Variants in LGI1 observed in about 807,000 individuals in gnomAD.
The protein encoded by LGI1 is leucine rich glioma inactivated 1, also known as leucine-rich glioma-inactivated protein 1.
LGI1 carries 11 observed loss-of-function variants against 57.7 expected under a neutral mutation model. The ratio of observed to expected loss-of-function variants is 0.19; its 90% CI spans 0.12 to 0.32. The LOEUF is 0.32. LGI1 is among the 10% of genes least tolerant of loss of function. LGI1 has a pLI of 1.00. For synonymous variants in LGI1, 222 were observed against 241.9 expected (o/e 0.92, Z 0.76); for missense variants, 422 against 661.9 (o/e 0.64, Z 3.98).
chr10:93,780,698 C>T (rs184480418), intron 4 of LGI1, among the ~76,000 whole-genome samples: 3 of 152,312 alleles, frequency 2.0e-5, no homozygotes, highest in Non-Finnish European at 2.9e-5. Flanking sequence ...CAGCTCCCAC[C>T]GTCTTTGATG....
chr10:93,793,193 A>G lies in LGI1; in HGVS notation c.681A>G (p.Ala227=). 1 of 1,610,794 alleles carries G rather than the reference A, an allele frequency of 6.2e-7. No individual in the cohort carries two copies. Among genetic ancestry groups the G allele is most frequent in the Non-Finnish European group, 8.5e-7 (1 of 1,178,746 alleles). The change falls in exon 7 of 8, where the codon GCA becomes GCG. Residue 227 remains alanine (A), a synonymous_variant. Coordinates refer to ENST00000371418, the MANE Select transcript of LGI1 (RefSeq NM_005097.4). Reference sequence around the variant, plus strand: ...TATTTCCTATTTTTGCAGAATTTGCAAAGTCTCAAGACCTGCCTTATCAAT... The same window carrying G: ...TATTTCCTATTTTTGCAGAATTTGCGAAGTCTCAAGACCTGCCTTATCAAT... ...KDFDCIITEF[A]KSQDLPYQSL...
In LGI1 at chr10:93,797,163, A is replaced by G; in HGVS notation, c.1034A>G (p.Tyr345Cys). Residue 345 changes from tyrosine (Y) to cysteine (C), a missense_variant, in exon 8 of 8, where the codon TAC (tyrosine) becomes TGC (cysteine). Transcript: ENST00000371418. The surrounding 1 kb of genome is among the most constrained non-coding windows in gnomAD (Gnocchi z 6.5). ...ACATTCAAGATTGAAAACAACTGGTACTTTGTTGTTGCTGACAGTTCAAAA... is the reference window on the plus strand; with the variant it reads ...ACATTCAAGATTGAAAACAACTGGTGCTTTGTTGTTGCTGACAGTTCAAAA... The part of the protein sequence containing the change: ...IETFKIENNW[Y>C]FVVADSSKAG... 6.2e-7 allele frequency: 1 copy of G among 1,614,190 alleles called. No homozygotes were observed. Among genetic ancestry groups the G allele is most frequent in the Non-Finnish European group, 8.5e-7 (1 of 1,180,020 alleles).
rs536401788 is a variant in LGI1, at chr10:93,758,932, A to G, written c.287+101A>G. On this transcript the variant is annotated intron_variant, in intron 2 of 7. Coordinates refer to ENST00000371418, the MANE Select transcript of LGI1 (RefSeq NM_005097.4). This position sits in a 1 kb window ranked among gnomAD's most constrained non-coding sequence, Gnocchi z 4.7. ...TATTAATTTTGTCAAATGTGATTCT[A>G]TTTCTGAGAAAACAGAATATCCGTA... The G allele has an allele frequency of 2.1e-6, 2 of 932,958 alleles. No individual in the cohort carries two copies. The highest frequency in any genetic ancestry group is 2.4e-5 in the East Asian group (1 of 40,926). The allele number at this position is 932,958 out of a possible 1,614,324, so 57.8% of individuals were successfully genotyped here. A position where few individuals can be genotyped will look rare whatever the true frequency, so the allele number is the denominator to read the frequency against.
intron 4 of LGI1, among the ~76,000 whole-genome samples, chr10:93,781,439 C>CCCCTGCAAATTAACCCTTAAAA (rs1323744279): frequency 2.6e-5 from 4 of 152,038 alleles, no homozygotes; most frequent in Non-Finnish European, 5.9e-5. Flanking sequence ...ATCCTCCCCT[C>CCCCTGCAAATTAACCCTTAAAA]CCCTGCAAAT....
chr10:93,795,671 T>C (rs138193428), intron 7 of LGI1, among the ~76,000 whole-genome samples: 2 of 152,196 alleles, frequency 1.3e-5, no homozygotes, highest in African/African-American at 2.4e-5. Context: ...GAATCTTTCA[T>C]GTAGAGTGCA....
intron 4 of LGI1, among the ~76,000 whole-genome samples, chr10:93,781,899 A>T (rs2059850750): frequency 6.6e-6 from 1 of 152,198 alleles, no homozygotes; most frequent in Admixed American, 6.5e-5. Context: ...ATCTATATGT[A>T]TTGTAGAGTA....
chr10:93,797,944 T>C lies in LGI1; in HGVS notation c.*141T>C. 1 of 715,742 alleles carries C rather than the reference T, an allele frequency of 1.4e-6. No individual in the cohort carries two copies. Among genetic ancestry groups the C allele is most frequent in the Non-Finnish European group, 2.5e-6 (1 of 396,646 alleles). 44.3% of individuals were successfully genotyped at this position (715,742 alleles called of 1,614,324 possible). Reference sequence around the variant, plus strand: ...GACTGCTAGAACCAAGCACTACCAGTATCTCCATCCTTAACTGTCCAGTCC... The same window carrying C: ...GACTGCTAGAACCAAGCACTACCAGCATCTCCATCCTTAACTGTCCAGTCC... On this transcript the variant is annotated 3_prime_UTR_variant, in exon 8 of 8. Coordinates refer to ENST00000371418, the MANE Select transcript of LGI1 (RefSeq NM_005097.4). The surrounding 1 kb of genome is among the most constrained non-coding windows in gnomAD (Gnocchi z 6.5).
At chr10:93,763,418 T>C (rs1204961669) in intron 2 of LGI1, 1 of 152,256 alleles carries the variant, frequency 6.6e-6, no homozygotes, top group Non-Finnish European at 1.5e-5. Flanking sequence ...GCTAGAGTTA[T>C]GGTGCTTGTA....
chr10:93,761,644 T>C lies in LGI1; in HGVS notation c.287+2813T>C, dbSNP rs374227833. On this transcript the variant is annotated intron_variant, in intron 2 of 7. Transcript: ENST00000371418. ...TTTGGGAAAAGATCCTGGTAGGCCA[T>C]GGCTGGCAGTTTGTGTTGGAGAACA... Among the ~76,000 whole-genome samples, 8 of 152,260 alleles carry C rather than the reference T, an allele frequency of 5.3e-5. No homozygotes were observed. The East Asian group carries it at 1.4e-3, about 26-fold the overall frequency.
chr10:93,787,242 G>A (rs778153753), intron 4 of LGI1, among the ~76,000 whole-genome samples: 8 of 152,104 alleles, frequency 5.3e-5, no homozygotes, highest in Admixed American at 6.5e-5. Flanking sequence ...TTTTGGTAGC[G>A]GAGCATCAGA....
chr10:93,790,214 G>T, intron 5 of LGI1, 44 bp downstream of exon 5: 1 of 1,466,786 alleles, frequency 6.8e-7, no homozygotes, highest in African/African-American at 1.4e-5. Flanking sequence ...TTAATTTGCA[G>T]TCATTAACAA....
intron 2 of LGI1, among the ~76,000 whole-genome samples, chr10:93,761,002 T>C (rs1297684239): frequency 6.6e-6 from 1 of 152,226 alleles, no homozygotes; most frequent in African/African-American, 2.4e-5. Context: ...ACCCTGTGCC[T>C]GAAGACTCTG....
Position 93,798,018 on chromosome 10 carries a change from T to C in LGI1, c.*215T>C, listed in dbSNP as rs17502662. 7.3e-3 allele frequency: 4,319 copies of C among 594,274 alleles called. 36 individuals carry two copies. Among genetic ancestry groups the C allele is most frequent in the Admixed American group, 0.014 (489 of 34,164 alleles). 36.8% of individuals were successfully genotyped at this position (594,274 alleles called of 1,614,324 possible). A position where few individuals can be genotyped will look rare whatever the true frequency, so the allele number is the denominator to read the frequency against. ...ATAAGACAAAATTTAATTGTGTAAC[T>C]GTTCTTTGCAGTGAAGATGTGTAAA... On this transcript the variant is annotated 3_prime_UTR_variant, in exon 8 of 8. Coordinates refer to ENST00000371418, the MANE Select transcript of LGI1 (RefSeq NM_005097.4).
At chr10:93,795,171 G>A (rs1276761693) in intron 7 of LGI1, among the ~76,000 whole-genome samples, 2 of 152,140 alleles carry the variant, frequency 1.3e-5, no homozygotes, top group Non-Finnish European at 2.9e-5. Context: ...TCATACATCT[G>A]CAAACTTTCT....
rs762534281 is a variant in LGI1 at position 93,792,860 on chromosome 10, G to A, written c.621G>A (p.Lys207=). The stretch of plus-strand genomic sequence containing the variant: ...ACTGCGAAGGCCCCCCAGAATACAA[G>A]AAGCGCAAAATCAATAGTCTCTCCT... ...DIYCEGPPEY[K]KRKINSLSSK... Residue 207 remains lysine, a synonymous_variant, in exon 6 of 8, where the codon AAG becomes AAA. Coordinates refer to ENST00000371418, the MANE Select transcript of LGI1 (RefSeq NM_005097.4). The A allele has an allele frequency of 6.2e-7, 1 of 1,613,992 alleles. No individual in the cohort carries two copies.
At chr10:93,790,241 T>C in intron 5 of LGI1, 71 bp downstream of exon 5, 1 of 1,269,996 alleles carries the variant, frequency 7.9e-7, no homozygotes, top group South Asian at 1.3e-5. Context: ...CTGGTATTGA[T>C]TATTATAATT....
chr10:93,780,943 C>T (rs1283110759), intron 4 of LGI1, among the ~76,000 whole-genome samples: 1 of 152,208 alleles, frequency 6.6e-6, no homozygotes, highest in Non-Finnish European at 1.5e-5. Context: ...ACATTAAAGC[C>T]ACTCCCTTAC....
intron 5 of LGI1, 181 bp from the exon 6 acceptor site, chr10:93,792,562 T>C (rs1030143026): frequency 8.9e-6 from 6 of 674,454 alleles, no homozygotes; most frequent in Non-Finnish European, 5.4e-6. Flanking sequence ...TCTTCAAGTG[T>C]GCATGGTGCT....
intron 2 of LGI1, chr10:93,759,192 T>C: frequency 3.3e-6 from 1 of 307,544 alleles, no homozygotes; most frequent in Non-Finnish European, 6.2e-6. Context: ...GAACCCAGCA[T>C]AACATATGCG....
Sources: allele counts gnomAD v4.1 joint callset (sites outside exome capture counted in the v4.1 genomes callset), GRCh38; gene constraint gnomAD v4.1.1; non-coding constraint Gnocchi (gnomAD v3.1); transcripts MANE v1.5; gene names NCBI Gene and HGNC (gene_info 2026-07-23, HGNC 2026-07-21).